HPS5: variants seen among roughly 807,000 people sequenced by gnomAD.
The protein encoded by HPS5 is HPS5 biogenesis of lysosomal organelles complex 2 subunit 2.
Under a neutral mutation model 128.0 loss-of-function variants are expected in HPS5, and 83 were observed. The observed-to-expected ratio is 0.65, with a 90% CI of 0.54 to 0.78. The LOEUF is 0.78. Among genes scored for constraint, HPS5 ranks in the 30% least tolerant of loss-of-function variants. HPS5 has a pLI of 0.00. For synonymous variants in HPS5, 475 were observed against 470.2 expected (o/e 1.01, Z -0.13); for missense variants, 1,281 against 1,326.2 (o/e 0.97, Z 0.53).
chr11:18,316,074 A>T (rs900295503), intron 2 of HPS5, among the ~76,000 whole-genome samples: 2 of 152,154 alleles, frequency 1.3e-5, no homozygotes, highest in African/African-American at 4.8e-5. Context: ...TGTTATCATG[A>T]GCTATGGTCT....
intron 10 of HPS5, among the ~76,000 whole-genome samples, chr11:18,298,444 G>A (rs928023981): frequency 1.8e-4 from 27 of 151,998 alleles, no homozygotes; most frequent in African/African-American, 6.0e-4. Flanking sequence ...GCAGTGGGCC[G>A]AGATTGCGCC....
At position 18,313,566 on chromosome 11, in the gene HPS5, G is replaced by C. The variant is rs58550892; in HGVS notation, c.109-1542C>G. Among the ~76,000 whole-genome samples, 6 of 152,154 alleles carry C rather than the reference G, an allele frequency of 3.9e-5. No individual in the cohort carries two copies. In the South Asian group the frequency reaches 6.2e-4, roughly 16 times the overall value. ...CAACATTTTGGGAGGTCAGGATGTC[G>C]AGACCAGCCTGGGCAACAGAATAAG... On this transcript the variant is annotated intron_variant, in intron 2 of 22. Transcript: ENST00000349215.
chr11:18,310,485 G>T (rs1002806922), intron 5 of HPS5, among the ~76,000 whole-genome samples: 2 of 152,148 alleles, frequency 1.3e-5, no homozygotes, highest in African/African-American at 4.8e-5. Flanking sequence ...AGCCATGCAG[G>T]TGAATCAGGA....
In HPS5 at chr11:18,291,859, A is replaced by G; in HGVS notation, c.2023T>C (p.Leu675=). 6.2e-7 allele frequency: 1 copy of G among 1,610,062 alleles called. No individual in the cohort carries two copies. The stretch of plus-strand genomic sequence containing the variant: ...ATTCCCTTTTTTGATTCATTAACTA[A>G]TAGCACATCCTGGTTCAATTTCATG... ...SSMKLNQDVL[L]VNESKKGILD... The change falls in exon 16 of 23, where the codon TTA becomes CTA. Residue 675 remains leucine (L), a synonymous_variant. Transcript: ENST00000349215.
At position 18,298,719 on chromosome 11, in the gene HPS5, T is replaced by C. The variant is rs940141817; in HGVS notation, c.1164+73A>G. On this transcript the variant is annotated intron_variant, in intron 10 of 22. Coordinates refer to ENST00000349215, the MANE Select transcript of HPS5 (RefSeq NM_181507.2). ...CAGGGTTAATAAAATCAAGCAACTT[T>C]GTAACACAATCTTGCAAGGTAGGAG... The C allele has an allele frequency of 5.4e-6, 8 of 1,487,336 alleles. No individual in the cohort carries two copies. The African/African-American group carries it at 1.1e-4, about 21-fold the overall frequency. The allele number at this position is 1,487,336 out of a possible 1,614,324, so 92.1% of individuals were successfully genotyped here.
intron 16 of HPS5, among the ~76,000 whole-genome samples, chr11:18,288,807 A>G (rs1442407798): frequency 1.3e-5 from 2 of 151,432 alleles, no homozygotes; most frequent in Admixed American, 1.3e-4. Flanking sequence ...CTGTGTGCAC[A>G]CATGCGCACA....
At chr11:18,305,320 T>C (rs1159017448) in intron 8 of HPS5, 102 bp downstream of exon 8, 1 of 747,084 alleles carries the variant, frequency 1.3e-6, no homozygotes, top group Non-Finnish European at 2.4e-6. Context: ...ATAAGTAATT[T>C]AGTGCAAAAA....
In HPS5 at chr11:18,302,223, T is replaced by C. The variant is rs943109966; in HGVS notation, c.897-1307A>G. 2.0e-5 allele frequency among the ~76,000 whole-genome samples: 3 copies of C among 152,156 alleles called. 1 individual carries two copies. ...ATTTTTTTCTCCTCATCTTTTTCTA[T>C]ACTTACTCATATAAATTTATCTCAT... On this transcript the variant is annotated intron_variant, in intron 8 of 22. Transcript: ENST00000349215.
At chr11:18,293,031 G>GCT in intron 14 of HPS5, 55 bp from the exon 15 acceptor site, 3 of 1,135,952 alleles carry the variant, frequency 2.6e-6, no homozygotes, top group Non-Finnish European at 3.7e-6. Context: ...GGGGATCAGA[G>GCT]CTTTTTTTGA....
intron 6 of HPS5, 105 bp downstream of exon 6, chr11:18,308,841 A>AC: frequency 1.7e-6 from 2 of 1,203,122 alleles, no homozygotes; most frequent in Non-Finnish European, 2.4e-6. Context: ...AGAAAAAGAA[A>AC]AAAAATCTGT....
chr11:18,321,685 A>G (rs778652150), intron 1 of HPS5, among the ~76,000 whole-genome samples: 7 of 152,238 alleles, frequency 4.6e-5, no homozygotes, highest in Non-Finnish European at 8.8e-5. Flanking sequence ...GAAGTAAGAA[A>G]GATAGCAAAA....
intron 22 of HPS5, among the ~76,000 whole-genome samples, chr11:18,280,911 G>A (rs780717586): frequency 8.8e-5 from 13 of 146,962 alleles, no homozygotes; most frequent in Non-Finnish European, 1.8e-4. Flanking sequence ...TGTTTAATGG[G>A]TGTGGAGTTT....
chr11:18,281,847 A>T, intron 22 of HPS5, 103 bp downstream of exon 22: 1 of 1,289,282 alleles, frequency 7.8e-7, no homozygotes, highest in Non-Finnish European at 1.1e-6. Flanking sequence ...TCCTCATGTT[A>T]GTGATGGGTC....
chr11:18,319,970 C>A (rs1471277142), intron 1 of HPS5, among the ~76,000 whole-genome samples: 1 of 151,924 alleles, frequency 6.6e-6, no homozygotes, highest in Non-Finnish European at 1.5e-5. Context: ...AGTGTCTCTT[C>A]TACTTGTGAT....
At chr11:18,310,068 T>C (rs1273417622) in intron 5 of HPS5, among the ~76,000 whole-genome samples, 2 of 152,196 alleles carry the variant, frequency 1.3e-5, no homozygotes, top group Non-Finnish European at 2.9e-5. Context: ...GGATCCTAAA[T>C]AGAAATAAGC....
chr11:18,291,635 T>A lies in HPS5; in HGVS notation c.2247A>T (p.Val749=). 1 of 1,614,216 alleles carries A rather than the reference T, an allele frequency of 6.2e-7. No individual in the cohort carries two copies. The highest frequency in any genetic ancestry group is 8.5e-7 in the Non-Finnish European group (1 of 1,180,030). The part of the protein sequence containing the change: ...ELTTLCLELN[V]LNSKIKSTSG... ...TGGTGCTTTTGATCTTAGAATTCAA[T>A]ACATTCAACTCCAAACATAATGTTG... Residue 749 remains valine (V), a synonymous_variant, in exon 16 of 23, where the codon GTA becomes GTT. Transcript: ENST00000349215.
At chr11:18,297,467 A>T in intron 11 of HPS5, 92 bp downstream of exon 11, 2 of 1,203,646 alleles carry the variant, frequency 1.7e-6, no homozygotes, top group Non-Finnish European at 2.4e-6. Context: ...AATGGAAAGG[A>T]CAACAAATTT....
intron 8 of HPS5, among the ~76,000 whole-genome samples, chr11:18,303,290 C>A (rs73430890): frequency 0.019 from 2,961 of 152,158 alleles, 102 homozygotes; most frequent in African/African-American, 0.068. Flanking sequence ...AAGGAGTTGA[C>A]AATCTGATGC....
At chr11:18,316,527 A>G (rs1329353527) in intron 2 of HPS5, among the ~76,000 whole-genome samples, 1 of 152,254 alleles carries the variant, frequency 6.6e-6, no homozygotes, top group African/African-American at 2.4e-5. Context: ...AGTCAGTATC[A>G]TGGTTTCCAG....
Sources: gnomAD v4.1 joint callset for allele counts (sites outside exome capture counted in the v4.1 genomes callset) on GRCh38, gnomAD v4.1.1 for gene constraint, MANE v1.5 for transcripts, NCBI Gene and HGNC (gene_info 2026-07-23, HGNC 2026-07-21) for gene names.